Variants in CTBP2 observed in about 807,000 individuals in gnomAD.
CTBP2 encodes C-terminal-binding protein 2.
CTBP2 carries 30 observed loss-of-function variants against 80.3 expected under a neutral mutation model. The observed-to-expected ratio is 0.37, with a 90% CI of 0.28 to 0.51. The LOEUF (loss-of-function observed/expected upper bound fraction) is 0.51. Among genes scored for constraint, CTBP2 ranks in the 20% least tolerant of loss-of-function variants. The probability of loss-of-function intolerance (pLI) is 0.93; values close to 1 mark genes in which losing one functional copy is unlikely to be tolerated. For missense variants in CTBP2, 1,212 were observed against 1,375.3 expected (o/e 0.88, Z 1.88); for synonymous variants, 594 against 587.4 (o/e 1.01, Z -0.16).
intron 1 of CTBP2, among the ~76,000 whole-genome samples, chr10:125,145,506 GGGCAC>G (rs1339684148): frequency 6.6e-6 from 1 of 152,198 alleles, no homozygotes; most frequent in Non-Finnish European, 1.5e-5. Flanking sequence ...GGGTAGGGCA[GGGCAC>G]GGCAGGGGGC....
At chr10:125,048,122 C>T (rs1366744576) in intron 2 of CTBP2, among the ~76,000 whole-genome samples, 3 of 152,026 alleles carry the variant, frequency 2.0e-5, no homozygotes, top group Admixed American at 6.6e-5. Flanking sequence ...ATGCTCTCTG[C>T]AGTCTCTGCT....
chr10:125,087,509 T>TC (rs376394376), intron 2 of CTBP2, among the ~76,000 whole-genome samples: 492 of 152,182 alleles, frequency 3.2e-3, no homozygotes, highest in African/African-American at 0.011. Flanking sequence ...ACTCCCCCAG[T>TC]CCCCCTGAAG....
rs930822213 is a variant in CTBP2 at position 124,988,312 on chromosome 10, G to A, written c.*1206C>T. 1.3e-5 allele frequency: 2 copies of A among 152,640 alleles called. No individual in the cohort carries two copies. The highest frequency in any genetic ancestry group is 2.9e-5 in the Non-Finnish European group (2 of 68,042). 9.5% of individuals were successfully genotyped at this position (152,640 alleles called of 1,614,324 possible). A position where few individuals can be genotyped will look rare whatever the true frequency, so the allele number is the denominator to read the frequency against. On this transcript the variant is annotated 3_prime_UTR_variant, in exon 9 of 9. Transcript: ENST00000309035. ...TAGAGAACATTTACATTAGTGAGAT[G>A]TACTTGAATTTCAGAACTTAACAAA...
At chr10:125,019,999 C>T (rs1956883313) in intron 1 of CTBP2, among the ~76,000 whole-genome samples, 1 of 152,144 alleles carries the variant, frequency 6.6e-6, no homozygotes, top group African/African-American at 2.4e-5. Context: ...ACACTGGACA[C>T]TCAAGAGCAA....
chr10:125,008,675 G>C (rs190850145), intron 1 of CTBP2, among the ~76,000 whole-genome samples: 9 of 152,394 alleles, frequency 5.9e-5, no homozygotes, highest in Admixed American at 2.6e-4. Flanking sequence ...GAGCTGTACA[G>C]AGTAAAGCAG....
intron 1 of CTBP2, among the ~76,000 whole-genome samples, chr10:125,135,963 C>T (rs961495810): frequency 1.3e-5 from 2 of 152,236 alleles, no homozygotes; most frequent in Admixed American, 6.5e-5. Context: ...TTCCGGCCCA[C>T]GAGCAGAACA....
chr10:125,043,322 C>G (rs938966931), intron 2 of CTBP2, among the ~76,000 whole-genome samples: 1 of 152,254 alleles, frequency 6.6e-6, no homozygotes, highest in African/African-American at 2.4e-5. Flanking sequence ...CAATGACCAT[C>G]ACCAGCTCCT....
intron 1 of CTBP2, among the ~76,000 whole-genome samples, chr10:125,016,813 C>A (rs1317214944): frequency 1.3e-5 from 2 of 152,230 alleles, no homozygotes; most frequent in African/African-American, 2.4e-5. Context: ...TCTACAGCAT[C>A]CCAGGCTCAG....
chr10:125,125,050 C>A (rs1462385093), intron 1 of CTBP2, among the ~76,000 whole-genome samples: 1 of 152,206 alleles, frequency 6.6e-6, no homozygotes, highest in Non-Finnish European at 1.5e-5. Flanking sequence ...GCCACTGCCA[C>A]TGGCTGTAGC....
At chr10:125,030,328 T>C (rs1000436874), upstream of CTBP2, among the ~76,000 whole-genome samples, 16 of 152,352 alleles carry the variant, frequency 1.1e-4, no homozygotes, top group African/African-American at 3.1e-4. Context: ...AATAAGATGA[T>C]TGTGTAACAT....
intron 1 of CTBP2, among the ~76,000 whole-genome samples, chr10:125,136,284 A>T (rs117568885): frequency 0.023 from 3,466 of 152,268 alleles, 66 homozygotes; most frequent in South Asian, 0.079. Flanking sequence ...CTCCTGTGAA[A>T]GGCCAGCCCT....
chr10:125,005,125 A>G (rs1223733277), intron 1 of CTBP2, among the ~76,000 whole-genome samples: 1 of 152,124 alleles, frequency 6.6e-6, no homozygotes, highest in Non-Finnish European at 1.5e-5. Flanking sequence ...CTGGGGAGGG[A>G]CGGCCCAGAG....
intron 1 of CTBP2, among the ~76,000 whole-genome samples, chr10:125,134,759 A>G (rs1014742862): frequency 1.3e-5 from 2 of 152,054 alleles, no homozygotes; most frequent in Admixed American, 6.5e-5. Flanking sequence ...AGGAGCCAAC[A>G]GTACAGATGC....
intron 2 of CTBP2, among the ~76,000 whole-genome samples, chr10:125,084,342 A>C (rs932318315): frequency 6.6e-6 from 1 of 152,224 alleles, no homozygotes; most frequent in Non-Finnish European, 1.5e-5. Flanking sequence ...AGAACGGTCC[A>C]GTCATCCTTC....
intron 1 of CTBP2, among the ~76,000 whole-genome samples, chr10:125,151,885 C>T (rs1375444318): frequency 6.6e-6 from 1 of 152,186 alleles, no homozygotes; most frequent in Admixed American, 6.5e-5. Context: ...AGCACAAAGG[C>T]CAGCGGGAGG....
chr10:125,076,503 G>A (rs572731671), intron 2 of CTBP2, among the ~76,000 whole-genome samples: 12 of 152,192 alleles, frequency 7.9e-5, no homozygotes, highest in African/African-American at 2.6e-4. Flanking sequence ...CCAGGAACTC[G>A]GCCACCTCCC....
intron 2 of CTBP2, among the ~76,000 whole-genome samples, chr10:125,101,765 C>T (rs1152687): frequency 0.34 from 52,154 of 152,076 alleles, 11,411 homozygotes; most frequent in African/African-American, 0.62. Context: ...CCTTCCCCTC[C>T]AGCCCAGCCA....
At chr10:125,020,939 A>G (rs763953309) in intron 1 of CTBP2, among the ~76,000 whole-genome samples, 7 of 152,216 alleles carry the variant, frequency 4.6e-5, no homozygotes, top group Non-Finnish European at 8.8e-5. Context: ...AACAAGACAG[A>G]GGCCTAGGAG....
chr10:125,155,242 C>G (rs1040691139), intron 1 of CTBP2, among the ~76,000 whole-genome samples: 3 of 152,238 alleles, frequency 2.0e-5, no homozygotes, highest in Non-Finnish European at 2.9e-5. Context: ...GAATGTGCCC[C>G]TGGTTCCCAT....
Sources: allele counts gnomAD v4.1 joint callset (sites outside exome capture counted in the v4.1 genomes callset), GRCh38; gene constraint gnomAD v4.1.1; transcripts MANE v1.5; gene names NCBI Gene and HGNC (gene_info 2026-07-23, HGNC 2026-07-21).